ZNF337: variants seen among roughly 807,000 people sequenced by gnomAD.
ZNF337 encodes zinc finger protein 337.
ZNF337 carries 8 observed loss-of-function variants against 12.1 expected under a neutral mutation model. That is an observed-to-expected ratio of 0.66 (90% CI 0.39 to 1.19). The LOEUF (loss-of-function observed/expected upper bound fraction) is 1.19, where lower values mean the gene tolerates loss of function less well. ZNF337 is among the 50% of genes most tolerant of loss of function. The pLI, the probability that ZNF337 is intolerant of heterozygous loss-of-function variation, is 0.01. For missense variants in ZNF337, 882 were observed against 896.6 expected, an observed-to-expected ratio of 0.98 and a Z score of 0.21; for synonymous variants, 336 against 320.0, an observed-to-expected ratio of 1.05 and a Z score of -0.53.
intron 4 of ZNF337, among the ~76,000 whole-genome samples, chr20:25,679,472 C>T (rs1309500549): frequency 6.6e-6 from 1 of 151,838 alleles, no homozygotes; most frequent in East Asian, 1.9e-4. Flanking sequence ...CAAAAAACAA[C>T]AACAAAAAAT....
rs1194300771 is a variant in ZNF337 at position 25,676,147 on chromosome 20, ACTGC to A, written c.1137_1140del (p.Arg379SerfsTer8). 1.9e-6 allele frequency: 3 copies of A among 1,613,418 alleles called. No homozygotes were observed. Among genetic ancestry groups the A allele is most frequent in the Non-Finnish European group, 2.5e-6 (3 of 1,179,890 alleles). On this transcript the variant is annotated frameshift_variant, in exon 5 of 5. Transcript: ENST00000252979. LOFTEE classifies it low-confidence loss of function (END_TRUNC). Reference sequence around the variant, plus strand: ...CCTTTCACGCTAAAACTTTGCTTACACTGCCTGCACGCAAAGGGCTTCTCCCCTG... The same window carrying A: ...CCTTTCACGCTAAAACTTTGCTTACACTGCACGCAAAGGGCTTCTCCCCTG...
At chr20:25,680,017 C>T (rs1440934377) in intron 4 of ZNF337, among the ~76,000 whole-genome samples, 1 of 151,962 alleles carries the variant, frequency 6.6e-6, no homozygotes, top group African/African-American at 2.4e-5. Context: ...TCATTAGAAT[C>T]ATTATCATTA....
intron 1 of ZNF337, 101 bp downstream of exon 1, chr20:25,696,658 C>A: frequency 4.8e-6 from 4 of 839,448 alleles, no homozygotes; most frequent in Non-Finnish European, 4.3e-6. Flanking sequence ...GGAGCGCGCG[C>A]TACGGCCCCA....
At chr20:25,690,430 C>T (rs1047815886) in intron 1 of ZNF337, among the ~76,000 whole-genome samples, 3 of 152,134 alleles carry the variant, frequency 2.0e-5, no homozygotes, top group Non-Finnish European at 4.4e-5. Flanking sequence ...ATTACAGGTG[C>T]AGAATACAAC....
intron 1 of ZNF337, among the ~76,000 whole-genome samples, chr20:25,695,930 T>C (rs1416746154): frequency 1.3e-5 from 2 of 152,140 alleles, no homozygotes; most frequent in African/African-American, 4.8e-5. Flanking sequence ...TGAGGCTGAA[T>C]AACCTGGGCC....
At chr20:25,683,504 A>C (rs1244918925) in intron 4 of ZNF337, among the ~76,000 whole-genome samples, 2 of 140,894 alleles carry the variant, frequency 1.4e-5, no homozygotes, top group African/African-American at 6.2e-5. Context: ...GAACTTAAAC[A>C]AATTTACAAG....
intron 1 of ZNF337, 120 bp from the exon 2 acceptor site, chr20:25,686,586 G>A (rs1234128440): frequency 1.4e-6 from 1 of 734,166 alleles, no homozygotes; most frequent in South Asian, 1.9e-5. Flanking sequence ...CAATTCCCCT[G>A]TGGGGATCTG....
chr20:25,679,566 C>T (rs1025233733), intron 4 of ZNF337, among the ~76,000 whole-genome samples: 4 of 152,056 alleles, frequency 2.6e-5, no homozygotes, highest in African/African-American at 7.2e-5. Context: ...CGAAAAAATG[C>T]TCATCATCAC....
Position 25,676,738 on chromosome 20 carries a change from C to CT in ZNF337, c.549dup (p.Glu184ArgfsTer35), listed in dbSNP as rs1416585521. ...TTCCGGCTGAAGTCTTGCCCACGCTCTGCACACTTGAATGCTCCCCATCTT... is the reference window on the plus strand; with the variant it reads ...TTCCGGCTGAAGTCTTGCCCACGCTCTTGCACACTTGAATGCTCCCCATCTT... On this transcript the variant is annotated frameshift_variant, in exon 5 of 5. Coordinates refer to ENST00000252979, the MANE Select transcript of ZNF337 (RefSeq NM_015655.4). LOFTEE classifies it low-confidence loss of function (END_TRUNC). 1.2e-6 allele frequency: 2 copies of CT among 1,614,230 alleles called. No individual in the cohort carries two copies. Among genetic ancestry groups the CT allele is most frequent in the Non-Finnish European group, 1.7e-6 (2 of 1,180,044 alleles).
chr20:25,696,809 C>T lies in ZNF337; in HGVS notation c.-100G>A. 2 of 985,534 alleles carry T rather than the reference C, an allele frequency of 2.0e-6. No homozygotes were observed. Among genetic ancestry groups the T allele is most frequent in the Non-Finnish European group, 2.4e-6 (2 of 829,996 alleles). 61.0% of individuals were successfully genotyped at this position (985,534 alleles called of 1,614,324 possible). ...CGGTGAGGTCACCGATGGTGGACCA[C>T]GCATCTCACGGCTCGCTGACGCCCA... On this transcript the variant is annotated 5_prime_UTR_variant, in exon 1 of 5. It adds an upstream start codon to the 5' untranslated region. Transcript: ENST00000252979.
At chr20:25,695,860 C>T (rs976098777) in intron 1 of ZNF337, among the ~76,000 whole-genome samples, 11 of 152,204 alleles carry the variant, frequency 7.2e-5, no homozygotes, top group Admixed American at 2.0e-4. Context: ...TCCTGTCTCC[C>T]TGAATTGTAT....
At position 25,675,884 on chromosome 20, in the gene ZNF337, G is replaced by A. The variant is rs747944911; in HGVS notation, c.1404C>T (p.Gly468=). 2 of 1,613,966 alleles carry A rather than the reference G, an allele frequency of 1.2e-6. No individual in the cohort carries two copies. Among genetic ancestry groups the A allele is most frequent in the Non-Finnish European group, 1.7e-6 (2 of 1,179,992 alleles). ...KPFVCKDCGR[G]FIQKSTFTLH... is the part of the protein sequence containing the mutation. ...AAGTGAAGGTTGACTTTTGGATAAA[G>A]CCTCGTCCACAGTCCTTGCACACAA... is the stretch of plus-strand genomic sequence containing the variant. Residue 468 remains glycine (G), a synonymous_variant, in exon 5 of 5, where the codon GGC becomes GGT. Coordinates refer to ENST00000252979, the MANE Select transcript of ZNF337 (RefSeq NM_015655.4).
In ZNF337 at chr20:25,675,049, C is replaced by T. The variant is rs199912877; in HGVS notation, c.2239G>A (p.Gly747Ser). The change falls in exon 5 of 5, where the codon GGT becomes AGT. Residue 747 changes from glycine (G) to serine (S), a missense_variant. Gly to Ser is a moderately conservative substitution (Grantham distance 56). Transcript: ENST00000252979. ...ATATAACTTCAAGATGAAGCCTCACCCACACTCCCTGTACAAAAACGCTTC... is the reference window on the plus strand; with the variant it reads ...ATATAACTTCAAGATGAAGCCTCACTCACACTCCCTGTACAAAAACGCTTC... ...REKRFCTGSV[G>S]EASS is the part of the protein sequence containing the mutation. 2 of 1,613,500 alleles carry T rather than the reference C, an allele frequency of 1.2e-6. No individual in the cohort carries two copies. The highest frequency in any genetic ancestry group is 1.3e-5 in the African/African-American group (1 of 74,984).
In ZNF337 at chr20:25,686,120, A is replaced by T. The variant is rs754416812; in HGVS notation, c.30T>A (p.Ala10=). 7 of 1,613,804 alleles carry T rather than the reference A, an allele frequency of 4.3e-6. No individual in the cohort carries two copies. The highest frequency in any genetic ancestry group is 1.3e-5 in the African/African-American group (1 of 74,898). The change falls in exon 3 of 5, where the codon GCT becomes GCA. Residue 10 remains alanine (A), a splice_region_variant and synonymous_variant. Coordinates refer to ENST00000252979, the MANE Select transcript of ZNF337 (RefSeq NM_015655.4). ...CAGTGACATCCCCAAATGCCAAGAA[A>T]GCCTGTAACACAAAACCCAGGCATG... The part of the protein sequence containing the change: MGPQGARRQ[A]FLAFGDVTVD...
intron 1 of ZNF337, among the ~76,000 whole-genome samples, chr20:25,696,551 G>A (rs7273313): frequency 0.081 from 12,295 of 152,288 alleles, 725 homozygotes; most frequent in South Asian, 0.19. Flanking sequence ...TGGCGGCCCA[G>A]ACCCGGGGCG....
At position 25,674,995 on chromosome 20, in the gene ZNF337, C is replaced by A; in HGVS notation, c.*37G>T. 5.7e-6 allele frequency: 9 copies of A among 1,579,634 alleles called. No homozygotes were observed. The highest frequency in any genetic ancestry group is 7.8e-6 in the Non-Finnish European group (9 of 1,158,416). ...GCTTGTAACAAAGCAAAGTTACTCT[C>A]CTGAGTGTGTCCTCTGATGGATGGT... is the stretch of plus-strand genomic sequence containing the variant. On this transcript the variant is annotated 3_prime_UTR_variant, in exon 5 of 5. Coordinates refer to ENST00000252979, the MANE Select transcript of ZNF337 (RefSeq NM_015655.4).
At position 25,674,907 on chromosome 20, in the gene ZNF337, G is replaced by T; in HGVS notation, c.*125C>A. On this transcript the variant is annotated 3_prime_UTR_variant, in exon 5 of 5. Coordinates refer to ENST00000252979, the MANE Select transcript of ZNF337 (RefSeq NM_015655.4). Reference sequence around the variant, plus strand: ...ATGGGTTGAATTCAGGTTCTCTGTAGCCCTCTGGATTCTGTCTGCCTCTGT... The same window carrying T: ...ATGGGTTGAATTCAGGTTCTCTGTATCCCTCTGGATTCTGTCTGCCTCTGT... 1 of 828,378 alleles carries T rather than the reference G, an allele frequency of 1.2e-6. No individual in the cohort carries two copies. Among genetic ancestry groups the T allele is most frequent in the Non-Finnish European group, 1.9e-6 (1 of 535,298 alleles). The allele number at this position is 828,378 out of a possible 1,614,324, so 51.3% of individuals were successfully genotyped here.
rs763700497 is a variant in ZNF337 at position 25,675,041 on chromosome 20, A to C, written c.2247T>G (p.Ala749=). The C allele has an allele frequency of 5.6e-6, 9 of 1,612,450 alleles. No homozygotes were observed. The highest frequency in any genetic ancestry group is 7.6e-6 in the Non-Finnish European group (9 of 1,179,072). Residue 749 remains alanine (A), a synonymous_variant, in exon 5 of 5, where the codon GCT becomes GCG. Coordinates refer to ENST00000252979, the MANE Select transcript of ZNF337 (RefSeq NM_015655.4). ...KRFCTGSVGE[A]SS is the part of the protein sequence containing the mutation. Reference sequence around the variant, plus strand: ...ATGGTGAGATATAACTTCAAGATGAAGCCTCACCCACACTCCCTGTACAAA... The same window carrying C: ...ATGGTGAGATATAACTTCAAGATGACGCCTCACCCACACTCCCTGTACAAA...
At position 25,675,361 on chromosome 20, in the gene ZNF337, G is replaced by A. The variant is rs1398368771; in HGVS notation, c.1927C>T (p.Leu643Phe). Reference sequence around the variant, plus strand: ...GAGTGTGTCCTCTGGTGTGTGAGGAGATTTCCCTTCCAGTTGAAGCCTCGC... The same window carrying A: ...GAGTGTGTCCTCTGGTGTGTGAGGAAATTTCCCTTCCAGTTGAAGCCTCGC... The part of the protein sequence containing the change: ...CGRGFNWKGN[L>F]LTHQRTHSGE... Residue 643 changes from leucine (L) to phenylalanine (F), a missense_variant, in exon 5 of 5, where the codon CTC (leucine) becomes TTC (phenylalanine). Leu to Phe is a conservative substitution (Grantham distance 22). Transcript: ENST00000252979. The A allele has an allele frequency of 6.2e-7, 1 of 1,614,050 alleles. No homozygotes were observed. Among genetic ancestry groups the A allele is most frequent in the South Asian group, 1.1e-5 (1 of 91,068 alleles).
Sources: allele counts gnomAD v4.1 joint callset (sites outside exome capture counted in the v4.1 genomes callset), GRCh38; gene constraint gnomAD v4.1.1; transcripts MANE v1.5; gene names NCBI Gene and HGNC (gene_info 2026-07-23, HGNC 2026-07-21).